The following DUT variants were observed in gnomAD, a reference collection of about 807,000 sequenced individuals.
DUT encodes the protein deoxyuridine triphosphatase.
In DUT, 21 loss-of-function variants were observed where a neutral mutation model predicts 28.8. The observed-to-expected ratio is 0.73, with a 90% CI of 0.52 to 1.05. DUT has a LOEUF of 1.05. Among genes scored for constraint, DUT ranks in the 50% least tolerant of loss-of-function variants. The pLI, the probability that DUT is intolerant of heterozygous loss-of-function variation, is 0.00. For synonymous variants in DUT, 147 were observed against 143.7 expected (o/e 1.02, Z -0.17); for missense variants, 344 against 351.8 (o/e 0.98, Z 0.18).
At chr15:48,341,825 T>C (rs1024591985) in intron 6 of DUT, 197 bp from the exon 7 acceptor site, 4 of 566,588 alleles carry the variant, frequency 7.1e-6, no homozygotes, top group Non-Finnish European at 6.1e-6. Flanking sequence ...TAATATTTTA[T>C]TAGAATTTTT....
Position 48,331,854 on chromosome 15 carries a change from T to G in DUT, c.280+59T>G, listed in dbSNP as rs28381101. The stretch of plus-strand genomic sequence containing the variant: ...GGAAGGAATCCACGCGGCTTGAGGC[T>G]GTGGGGGAAGTAGGGTGGCGAGCGG... On this transcript the variant is annotated intron_variant, in intron 1 of 6. Coordinates refer to ENST00000331200, the MANE Select transcript of DUT (RefSeq NM_001025248.2). 0.015 allele frequency: 12,081 copies of G among 821,190 alleles called. 210 individuals are homozygous for G. The Admixed American group carries it at 0.22, about 15-fold the overall frequency. 50.9% of individuals were successfully genotyped at this position (821,190 alleles called of 1,614,324 possible).
chr15:48,334,650 C>G (rs2042455578), intron 3 of DUT, 142 bp downstream of exon 3: 1 of 530,550 alleles, frequency 1.9e-6, no homozygotes, highest in Admixed American at 3.3e-5. Flanking sequence ...CAAATGCACT[C>G]TTTGAAAGGC....
rs544264079 is a variant in DUT, at chr15:48,339,817, T to C, written c.557-1472T>C. On this transcript the variant is annotated intron_variant, in intron 4 of 6. Coordinates refer to ENST00000331200, the MANE Select transcript of DUT (RefSeq NM_001025248.2). ...AAGAAGTGCTTAAATTCAGATTCAC[T>C]TGTCCCTAGTAATTCATTCATAAAG... 2.0e-5 allele frequency among the ~76,000 whole-genome samples: 3 copies of C among 152,318 alleles called. No individual in the cohort carries two copies. In the South Asian group the frequency reaches 6.2e-4, roughly 32 times the overall value.
In DUT at chr15:48,332,219, C is replaced by G. The variant is rs754482594; in HGVS notation, c.281-49C>G. On this transcript the variant is annotated intron_variant, in intron 1 of 6. Transcript: ENST00000331200. Reference sequence around the variant, plus strand: ...CTCATCGTGCGCTCTCCTCTTCCCCCGGTGGTCTCCTCGCTCGCCTTCTGG... The same window carrying G: ...CTCATCGTGCGCTCTCCTCTTCCCCGGGTGGTCTCCTCGCTCGCCTTCTGG... 5.2e-6 allele frequency: 8 copies of G among 1,549,016 alleles called. No individual in the cohort carries two copies. The South Asian group carries it at 9.5e-5, about 18-fold the overall frequency.
chr15:48,341,713 A>T (rs1015767030), intron 6 of DUT, 128 bp downstream of exon 6: 3 of 756,550 alleles, frequency 4.0e-6, no homozygotes, highest in Non-Finnish European at 4.2e-6. Flanking sequence ...TATTTTAAGC[A>T]AATTTAAAAT....
At chr15:48,337,046 G>T (rs1030049598) in intron 4 of DUT, among the ~76,000 whole-genome samples, 1 of 152,182 alleles carries the variant, frequency 6.6e-6, no homozygotes, top group Non-Finnish European at 1.5e-5. Flanking sequence ...AGCACTTAAT[G>T]AAACCTGGCT....
Position 48,341,516 on chromosome 15 carries a change from C to A in DUT, c.633C>A (p.Val211=). 2 of 1,612,660 alleles carry A rather than the reference C, an allele frequency of 1.2e-6. No individual in the cohort carries two copies. The highest frequency in any genetic ancestry group is 1.1e-5 in the South Asian group (1 of 90,914). ...LFNFGKEKFE[V]KKGDRIAQLI... Reference sequence around the variant, plus strand: ...TAATAAACTATTCTTTCTTTGAAGTCAAAAAAGGTGATCGAATTGCACAGC... The same window carrying A: ...TAATAAACTATTCTTTCTTTGAAGTAAAAAAAGGTGATCGAATTGCACAGC... The change falls in exon 6 of 7, where the codon GTC becomes GTA. Residue 211 remains valine, a splice_region_variant and synonymous_variant. Coordinates refer to ENST00000331200, the MANE Select transcript of DUT (RefSeq NM_001025248.2).
rs201190039 is a variant in DUT at position 48,334,437 on chromosome 15, C to T, written c.440C>T (p.Pro147Leu). Reference protein sequence around the residue: ...DLYSAYDYTIPPMEKAVVKTD... With the variant: ...DLYSAYDYTILPMEKAVVKTD... ...CTTAGTGCCTATGATTACACAATAC[C>T]ACCTATGGAGAAAGCTGTTGTGAAA... is the stretch of plus-strand genomic sequence containing the variant. Residue 147 changes from proline to leucine, a missense_variant, in exon 3 of 7, where the codon CCA becomes CTA. By Grantham distance (98) the Pro-to-Leu change is moderately conservative (BLOSUM62 -3). Transcript: ENST00000331200. 3.1e-6 allele frequency: 5 copies of T among 1,605,624 alleles called. No homozygotes were observed. The highest frequency in any genetic ancestry group is 2.2e-5 in the South Asian group (2 of 89,050).
At position 48,342,122 on chromosome 15, in the gene DUT, TAAAAAA is replaced by T; in HGVS notation, c.*54_*59del. The T allele has an allele frequency of 9.0e-7, 1 of 1,109,498 alleles. No individual in the cohort carries two copies. Among genetic ancestry groups the T allele is most frequent in the Non-Finnish European group, 1.2e-6 (1 of 819,668 alleles). 68.7% of individuals were successfully genotyped at this position (1,109,498 alleles called of 1,614,324 possible). On this transcript the variant is annotated 3_prime_UTR_variant, in exon 7 of 7. Transcript: ENST00000331200. The stretch of plus-strand genomic sequence containing the variant: ...AAAACAAGAAGTCATACCTTTTTCT[TAAAAAA>T]AAAAAAAAAGTTTTTGCTTCAAGTG...
intron 3 of DUT, among the ~76,000 whole-genome samples, chr15:48,335,339 TGTAACCTTAGC>T (rs1290706590): frequency 2.0e-5 from 3 of 152,182 alleles, no homozygotes; most frequent in Non-Finnish European, 4.4e-5. Context: ...AATAATAAGG[TGTAACCTTAGC>T]TTTTTATTTT....
chr15:48,337,551 T>C (rs973959690), intron 4 of DUT, among the ~76,000 whole-genome samples: 1 of 152,244 alleles, frequency 6.6e-6, no homozygotes, highest in African/African-American at 2.4e-5. Flanking sequence ...ACATATTAGA[T>C]TCTGTGAGAT....
At chr15:48,333,523 A>G (rs570083309) in intron 2 of DUT, among the ~76,000 whole-genome samples, 1 of 152,314 alleles carries the variant, frequency 6.6e-6, no homozygotes, top group East Asian at 1.9e-4. Context: ...ATTAGGGCTT[A>G]ACTGTTTAAA....
chr15:48,331,676 C>A lies in DUT; in HGVS notation c.161C>A (p.Pro54His). ...GGCCGCGCCGCGCAGCACGGGATTC[C>A]CCGGCCGCTGTCCAGCGCTGGCCGC... ...PLGRAAQHGI[P>H]RPLSSAGRLS... The change falls in exon 1 of 7, where the codon CCC (proline) becomes CAC (histidine). Residue 54 changes from proline to histidine, a missense_variant. Physicochemically the swap from Pro to His is moderately conservative, Grantham distance 77 (BLOSUM62 -2). Transcript: ENST00000331200. 6.5e-7 allele frequency: 1 copy of A among 1,533,160 alleles called. No homozygotes were observed. Among genetic ancestry groups the A allele is most frequent in the Non-Finnish European group, 8.8e-7 (1 of 1,139,990 alleles). 95.0% of individuals were successfully genotyped at this position (1,533,160 alleles called of 1,614,324 possible). A position where few individuals can be genotyped will look rare whatever the true frequency, so the allele number is the denominator to read the frequency against.
At position 48,342,058 on chromosome 15, in the gene DUT, G is replaced by T; in HGVS notation, c.739G>T (p.Gly247Cys). The T allele has an allele frequency of 6.4e-7, 1 of 1,573,190 alleles. No homozygotes were observed. The highest frequency in any genetic ancestry group is 8.6e-7 in the Non-Finnish European group (1 of 1,163,870). Reference protein sequence around the residue: ...DDTERGSGGFGSTGKN With the variant: ...DDTERGSGGFCSTGKN ...CACCGAAAGGGGTTCAGGAGGTTTT[G>T]GTTCCACTGGAAAGAATTAAAATTT... The change falls in exon 7 of 7, where the codon GGT becomes TGT. Residue 247 changes from glycine (G) to cysteine (C), a missense_variant. Coordinates refer to ENST00000331200, the MANE Select transcript of DUT (RefSeq NM_001025248.2).
At chr15:48,331,864 G>T (rs2042416101) in intron 1 of DUT, 69 bp downstream of exon 1, 1 of 1,133,776 alleles carries the variant, frequency 8.8e-7, no homozygotes, top group South Asian at 2.3e-5. Context: ...TGTGGGGGAA[G>T]TAGGGTGGCG....
chr15:48,339,434 G>A (rs955609594), intron 4 of DUT, among the ~76,000 whole-genome samples: 3 of 152,070 alleles, frequency 2.0e-5, no homozygotes, highest in Admixed American at 6.5e-5. Flanking sequence ...AAATCTCCCA[G>A]CATGGAAGTT....
chr15:48,341,898 C>A, intron 6 of DUT, 124 bp from the exon 7 acceptor site: 1 of 749,574 alleles, frequency 1.3e-6, no homozygotes. Context: ...TCTGTAATCT[C>A]CCTTTTGAAA....
Position 48,334,418 on chromosome 15 carries a change from G to A in DUT, c.421G>A (p.Ala141Thr). Residue 141 changes from alanine to threonine, a missense_variant and splice_region_variant, in exon 3 of 7, where the codon GCC becomes ACC. Ala to Thr is a moderately conservative substitution (Grantham distance 58). Coordinates refer to ENST00000331200, the MANE Select transcript of DUT (RefSeq NM_001025248.2). Reference protein sequence around the residue: ...ARAAGYDLYSAYDYTIPPMEK... With the variant: ...ARAAGYDLYSTYDYTIPPMEK... ...TATTTTCTTTCAATATTTTCTTAGTGCCTATGATTACACAATACCACCTAT... is the reference window on the plus strand; with the variant it reads ...TATTTTCTTTCAATATTTTCTTAGTACCTATGATTACACAATACCACCTAT... The A allele has an allele frequency of 1.3e-6, 2 of 1,571,772 alleles. No homozygotes were observed. Among genetic ancestry groups the A allele is most frequent in the Non-Finnish European group, 8.7e-7 (1 of 1,153,370 alleles).
At chr15:48,338,535 G>A (rs1262809826) in intron 4 of DUT, among the ~76,000 whole-genome samples, 1 of 152,056 alleles carries the variant, frequency 6.6e-6, no homozygotes. Context: ...ACAAATGGGA[G>A]GAAAAAAATC....
Sources: gnomAD v4.1 joint callset for allele counts (sites outside exome capture counted in the v4.1 genomes callset) on GRCh38, gnomAD v4.1.1 for gene constraint, MANE v1.5 for transcripts, NCBI Gene and HGNC (gene_info 2026-07-23, HGNC 2026-07-21) for gene names.